The following TUSC3 variants were observed in gnomAD, a reference collection of about 807,000 sequenced individuals.
TUSC3 encodes dolichyl-diphosphooligosaccharide--protein glycosyltransferase subunit TUSC3.
TUSC3 carries 45 observed loss-of-function variants against 44.8 expected under a neutral mutation model. That is an observed-to-expected ratio of 1.00 (90% CI 0.79 to 1.29). The LOEUF is 1.29. Ranked by LOEUF, TUSC3 falls within the 50% of genes most tolerant of loss-of-function variation. The probability of loss-of-function intolerance (pLI) is 0.00; values close to 1 mark genes in which losing one functional copy is unlikely to be tolerated. For missense variants in TUSC3, 519 were observed against 437.9 expected, an observed-to-expected ratio of 1.19 and a Z score of -1.65; for synonymous variants, 212 against 152.9, an observed-to-expected ratio of 1.39 and a Z score of -2.85.
intron 2 of TUSC3, among the ~76,000 whole-genome samples, chr8:15,633,868 T>C (rs191397988): frequency 6.6e-4 from 101 of 152,308 alleles, no homozygotes; most frequent in Middle Eastern, 6.8e-3. Context: ...TACTTTGTTA[T>C]GGCCACCCAG....
the TUSC3 span, among the ~76,000 whole-genome samples, chr8:15,849,720 G>A: frequency 6.6e-6 from 1 of 152,038 alleles, no homozygotes; most frequent in South Asian, 2.1e-4. Flanking sequence ...CAGAGACCAG[G>A]GTAGTGCCTA....
intron 3 of TUSC3, among the ~76,000 whole-genome samples, chr8:15,655,991 C>T (rs1453731500): frequency 6.6e-6 from 1 of 152,126 alleles, no homozygotes; most frequent in Non-Finnish European, 1.5e-5. Context: ...GAAGGGCTAA[C>T]TGCTTAACCA....
At chr8:15,435,330 C>T (rs2129117503) in intron 1 of TUSC3, among the ~76,000 whole-genome samples, 1 of 152,206 alleles carries the variant, frequency 6.6e-6, no homozygotes, top group South Asian at 2.1e-4. Context: ...TGCATAAATG[C>T]AACAAGTGGG....
chr8:15,560,531 C>T (rs542111077), intron 1 of TUSC3, among the ~76,000 whole-genome samples: 30 of 149,784 alleles, frequency 2.0e-4, no homozygotes, highest in African/African-American at 6.8e-4. Context: ...TCTGTGTTTC[C>T]TGAATCTGAA....
chr8:15,670,020 C>A (rs937214160), intron 5 of TUSC3, among the ~76,000 whole-genome samples: 2 of 151,710 alleles, frequency 1.3e-5, no homozygotes, highest in African/African-American at 4.8e-5. Flanking sequence ...TTAAAAAAAT[C>A]TATTGTCATA....
chr8:15,496,515 C>A (rs1487754180), intron 2 of TUSC3, among the ~76,000 whole-genome samples: 1 of 152,178 alleles, frequency 6.6e-6, no homozygotes, highest in South Asian at 2.1e-4. Context: ...TGTATGCTGT[C>A]CTAGCTTCTG....
In TUSC3 at chr8:15,671,320, G is replaced by C. The variant is rs75699855; in HGVS notation, c.709-2427G>C. Among the ~76,000 whole-genome samples the C allele has an allele frequency of 2.4e-3, 372 of 151,972 alleles. 6 individuals are homozygous for C. The East Asian group carries it at 0.038, about 15-fold the overall frequency. ...TCATGCCCTTTTTTGTATGAATATA[G>C]TTAAATAAAAATATTTTAGTCAAAT... is the stretch of plus-strand genomic sequence containing the variant. On this transcript the variant is annotated intron_variant, in intron 5 of 10. Coordinates refer to ENST00000503731, the MANE Select transcript of TUSC3 (RefSeq NM_006765.4).
intron 6 of TUSC3, chr8:15,689,125 A>G (rs1257591286): frequency 7.8e-6 from 3 of 384,710 alleles, no homozygotes; most frequent in East Asian, 1.7e-4. Flanking sequence ...CTTGCACGCC[A>G]TTCTTCTAGC....
intron 2 of TUSC3, among the ~76,000 whole-genome samples, chr8:15,491,815 A>G (rs1046017079): frequency 6.6e-6 from 1 of 152,206 alleles, no homozygotes; most frequent in African/African-American, 2.4e-5. Flanking sequence ...TATCACTAAC[A>G]ATAAGTTAAT....
intron 1 of TUSC3, among the ~76,000 whole-genome samples, chr8:15,469,128 C>T (rs889339132): frequency 2.3e-4 from 35 of 152,022 alleles, no homozygotes; most frequent in African/African-American, 8.5e-4. Context: ...ATTTGAACCA[C>T]CAAAGCATGA....
At chr8:15,528,187 T>C (rs926833416) in intron 2 of TUSC3, among the ~76,000 whole-genome samples, 8 of 152,114 alleles carry the variant, frequency 5.3e-5, no homozygotes, top group Admixed American at 2.6e-4. Flanking sequence ...TCAGCATTTG[T>C]GGTGTTTGAA....
At chr8:15,705,144 A>G (rs934614712) in intron 6 of TUSC3, among the ~76,000 whole-genome samples, 2 of 151,696 alleles carry the variant, frequency 1.3e-5, no homozygotes, top group African/African-American at 4.8e-5. Context: ...GGACCTTCTT[A>G]ACGGCAGGAA....
intron 6 of TUSC3, among the ~76,000 whole-genome samples, chr8:15,710,785 A>T (rs1259106057): frequency 1.3e-5 from 2 of 149,030 alleles, no homozygotes; most frequent in African/African-American, 4.9e-5. Context: ...TGAAGTGAAT[A>T]TATATATTTA....
chr8:15,505,061 A>G (rs1420314378), intron 2 of TUSC3, among the ~76,000 whole-genome samples: 2 of 152,200 alleles, frequency 1.3e-5, no homozygotes, highest in African/African-American at 2.4e-5. Context: ...GCCAAATGGC[A>G]GGAATCTAGA....
In TUSC3 at chr8:15,433,868, A is replaced by G. The variant is rs553716844; in HGVS notation, n.91+16563A>G. 4.6e-4 allele frequency among the ~76,000 whole-genome samples: 70 copies of G among 152,336 alleles called. No homozygotes were observed. In the South Asian group the frequency reaches 0.013, roughly 28 times the overall value. On this transcript the variant is annotated intron_variant and non_coding_transcript_variant, in intron 1 of 5. Coordinates refer to the TUSC3 transcript ENST00000503191. ...TTTTCCAGTTGGGGGTCATTATTAC[A>G]GAAATCAAGCTATAAATATTTTATA...
intron 7 of TUSC3, among the ~76,000 whole-genome samples, chr8:15,737,846 C>A (rs1453052030): frequency 6.6e-6 from 1 of 152,144 alleles, no homozygotes; most frequent in African/African-American, 2.4e-5. Context: ...CATCTAGCTT[C>A]TTCCTGCATA....
intron 1 of TUSC3, among the ~76,000 whole-genome samples, chr8:15,553,160 C>A (rs1223155948): frequency 6.6e-6 from 1 of 151,666 alleles, no homozygotes; most frequent in African/African-American, 2.4e-5. Context: ...GATATCTAAA[C>A]TGAGATGTTT....
intron 6 of TUSC3, among the ~76,000 whole-genome samples, chr8:15,727,197 A>G (rs34034782): frequency 0.28 from 41,807 of 151,980 alleles, 6,625 homozygotes; most frequent in Non-Finnish European, 0.35. Flanking sequence ...TCGCAGACCT[A>G]AGGTTAATTT....
intron 1 of TUSC3, among the ~76,000 whole-genome samples, chr8:15,460,632 T>C (rs1315936104): frequency 2.0e-5 from 3 of 152,182 alleles, no homozygotes; most frequent in African/African-American, 4.8e-5. Flanking sequence ...GTTTTTCCAA[T>C]ATTATTTTCT....
Sources: allele counts gnomAD v4.1 joint callset (sites outside exome capture counted in the v4.1 genomes callset), GRCh38; gene constraint gnomAD v4.1.1; transcripts MANE v1.5; gene names NCBI Gene and HGNC (gene_info 2026-07-23, HGNC 2026-07-21).